Variants in ATRNL1 observed in about 807,000 individuals in gnomAD.
ATRNL1 encodes the protein attractin-like protein 1.
A neutral mutation model predicts 182.7 loss-of-function variants in ATRNL1; 95 were observed. The observed-to-expected ratio is 0.52, with a 90% CI of 0.44 to 0.62. The LOEUF is 0.62. ATRNL1 is among the 20% of genes least tolerant of loss of function. The pLI, the probability that ATRNL1 is intolerant of heterozygous loss-of-function variation, is 0.00. For missense variants in ATRNL1, 1,471 were observed against 1,679.5 expected, an observed-to-expected ratio of 0.88 and a Z score of 2.17; for synonymous variants, 576 against 568.3, an observed-to-expected ratio of 1.01 and a Z score of -0.19.
chr10:115,919,919 C>T (rs1267663857), intron 28 of ATRNL1, among the ~76,000 whole-genome samples: 1 of 152,096 alleles, frequency 6.6e-6, no homozygotes, highest in Non-Finnish European at 1.5e-5. Flanking sequence ...GGGCTCCACC[C>T]TCACGACCTA....
chr10:115,749,045 A>G (rs1948372880), intron 27 of ATRNL1, among the ~76,000 whole-genome samples: 1 of 151,964 alleles, frequency 6.6e-6, no homozygotes, highest in South Asian at 2.1e-4. Context: ...ATATTACTGT[A>G]AATCTCTCAA....
chr10:115,181,030 A>G (rs1040840587), intron 8 of ATRNL1, among the ~76,000 whole-genome samples: 20 of 151,976 alleles, frequency 1.3e-4, no homozygotes, highest in African/African-American at 4.1e-4. Context: ...TACAAAAACA[A>G]TTGGTGGAGT....
intron 9 of ATRNL1, among the ~76,000 whole-genome samples, chr10:115,232,870 A>G (rs1228003364): frequency 6.6e-6 from 1 of 152,104 alleles, no homozygotes; most frequent in African/African-American, 2.4e-5. Flanking sequence ...TTCATTTCCT[A>G]TGGCTACTAT....
At chr10:115,481,610 T>C (rs1848773148) in intron 24 of ATRNL1, among the ~76,000 whole-genome samples, 1 of 150,898 alleles carries the variant, frequency 6.6e-6, no homozygotes, top group African/African-American at 2.4e-5. Context: ...CTACCACTAT[T>C]AACTCACACT....
At chr10:115,504,141 A>G (rs1554980699) in intron 24 of ATRNL1, among the ~76,000 whole-genome samples, 3 of 152,018 alleles carry the variant, frequency 2.0e-5, no homozygotes, top group Non-Finnish European at 4.4e-5. Flanking sequence ...TATTTATCCC[A>G]TTACATTTAC....
At chr10:115,334,198 T>C in intron 18 of ATRNL1, 84 bp from the exon 19 acceptor site, 1 of 952,800 alleles carries the variant, frequency 1.0e-6, no homozygotes, top group South Asian at 3.4e-5. Context: ...CAATCCAGCT[T>C]TTTAAGATAC....
intron 24 of ATRNL1, among the ~76,000 whole-genome samples, chr10:115,483,543 CA>C (rs1326885820): frequency 6.6e-6 from 1 of 151,364 alleles, no homozygotes; most frequent in Non-Finnish European, 1.5e-5. Flanking sequence ...TTTGATGTAA[CA>C]ACAAAATATA....
intron 28 of ATRNL1, among the ~76,000 whole-genome samples, chr10:115,942,911 G>T (rs1306422259): frequency 1.3e-5 from 2 of 152,206 alleles, no homozygotes; most frequent in Non-Finnish European, 2.9e-5. Flanking sequence ...TTATCTGGTT[G>T]AGCCATGGCT....
At chr10:115,424,867 G>A (rs1427946429) in intron 20 of ATRNL1, among the ~76,000 whole-genome samples, 3 of 152,010 alleles carry the variant, frequency 2.0e-5, no homozygotes, top group Admixed American at 2.0e-4. Flanking sequence ...CAGTTAGATA[G>A]GAATCACACT....
intron 26 of ATRNL1, among the ~76,000 whole-genome samples, chr10:115,555,471 A>G (rs1853260943): frequency 6.6e-6 from 1 of 151,902 alleles, no homozygotes; most frequent in Admixed American, 6.6e-5. Flanking sequence ...CGAGAAAGAA[A>G]TTCTGTGTTC....
At chr10:115,648,951 A>C (rs1034242639) in intron 26 of ATRNL1, among the ~76,000 whole-genome samples, 1 of 152,190 alleles carries the variant, frequency 6.6e-6, no homozygotes, top group African/African-American at 2.4e-5. Flanking sequence ...GTCTGTGTTC[A>C]CCTCTAGCCT....
chr10:115,674,397 A>G (rs1945795959), intron 26 of ATRNL1, among the ~76,000 whole-genome samples: 1 of 152,070 alleles, frequency 6.6e-6, no homozygotes, highest in South Asian at 2.1e-4. Context: ...TGAAAAACAG[A>G]CATTCTTATA....
intron 26 of ATRNL1, among the ~76,000 whole-genome samples, chr10:115,700,221 G>T (rs1424885589): frequency 6.6e-6 from 1 of 151,774 alleles, no homozygotes; most frequent in Non-Finnish European, 1.5e-5. Context: ...GGATTGCTGG[G>T]TCAAATTGTA....
chr10:115,183,079 G>A (rs1199195724), intron 8 of ATRNL1, among the ~76,000 whole-genome samples: 2 of 151,322 alleles, frequency 1.3e-5, no homozygotes, highest in Admixed American at 1.3e-4. Context: ...TCCCAAGAAT[G>A]GAAGCATTGA....
rs546043505 is a variant in ATRNL1, at chr10:115,450,361, A to G, written c.3323-11580A>G. Among the ~76,000 whole-genome samples the G allele has an allele frequency of 3.9e-5, 6 of 152,292 alleles. No homozygotes were observed. The East Asian group carries it at 9.7e-4, about 25-fold the overall frequency. On this transcript the variant is annotated intron_variant, in intron 21 of 28. Coordinates refer to ENST00000355044, the MANE Select transcript of ATRNL1 (RefSeq NM_207303.4). ...CAAACTATCCCTCTTTCCAGAAGAC[A>G]TGATCCTATATGTAGAAAATCCTAT...
chr10:115,106,273 T>G (rs1844005028), intron 1 of ATRNL1, among the ~76,000 whole-genome samples: 1 of 152,138 alleles, frequency 6.6e-6, no homozygotes, highest in Non-Finnish European at 1.5e-5. Context: ...ATTTCTCCCA[T>G]TTGGAATGGC....
intron 28 of ATRNL1, among the ~76,000 whole-genome samples, chr10:115,862,738 A>G (rs1951344239): frequency 6.6e-6 from 1 of 152,192 alleles, no homozygotes; most frequent in African/African-American, 2.4e-5. Flanking sequence ...ATGAAACTAC[A>G]TATGCATGAG....
At chr10:115,223,913 G>GTA (rs782380839) in intron 9 of ATRNL1, among the ~76,000 whole-genome samples, 672 of 55,788 alleles carry the variant, frequency 0.012, 21 homozygotes, top group East Asian at 0.035. Flanking sequence ...GTGTGTGTGT[G>GTA]TATATATATA....
chr10:115,262,997 C>A (rs934774443), intron 10 of ATRNL1, among the ~76,000 whole-genome samples: 1 of 151,678 alleles, frequency 6.6e-6, no homozygotes, highest in African/African-American at 2.4e-5. Context: ...TCTTGGAAAT[C>A]TAGAGAAACA....
Sources: gnomAD v4.1 joint callset for allele counts (sites outside exome capture counted in the v4.1 genomes callset) on GRCh38, gnomAD v4.1.1 for gene constraint, MANE v1.5 for transcripts, NCBI Gene and HGNC (gene_info 2026-07-23, HGNC 2026-07-21) for gene names.